The following HDAC9 variants were observed in gnomAD, a reference collection of about 807,000 sequenced individuals.
HDAC9 encodes the protein histone deacetylase 9.
In HDAC9, 41 loss-of-function variants were observed where a neutral mutation model predicts 139.4. That is an observed-to-expected ratio of 0.29 (90% CI 0.23 to 0.38). HDAC9 has a LOEUF of 0.38. HDAC9 is among the 10% of genes least tolerant of loss of function. The pLI, the probability that HDAC9 is intolerant of heterozygous loss-of-function variation, is 1.00. For synonymous variants in HDAC9, 517 were observed against 476.2 expected (o/e 1.09, Z -1.12); for missense variants, 1,147 against 1,297.0 (o/e 0.88, Z 1.78).
chr7:18,380,721 A>C lies in HDAC9; in HGVS notation c.-42+90206A>C, dbSNP rs180856209. ...TCACCAAACACACCAAACATCAATA[A>C]GCTTCTCTTAGAGGTTTTTTGTTTG... is the stretch of plus-strand genomic sequence containing the variant. On this transcript the variant is annotated intron_variant, in intron 1 of 3. Transcript: ENST00000413509. Among the ~76,000 whole-genome samples the C allele has an allele frequency of 2.2e-3, 329 of 152,300 alleles. 1 individual carries two copies. Among genetic ancestry groups the C allele is most frequent in the Admixed American group, 5.2e-3 (79 of 15,294 alleles).
chr7:18,730,798 A>AT (rs199866214), intron 13 of HDAC9, among the ~76,000 whole-genome samples: 1,711 of 151,940 alleles, frequency 0.011, 10 homozygotes, highest in African/African-American at 0.016. Context: ...TTAGCATATG[A>AT]TTTTTTTTTA....
chr7:18,749,187 A>T (rs1244141779), intron 14 of HDAC9, 49 bp downstream of exon 14: 1 of 1,582,374 alleles, frequency 6.3e-7, no homozygotes, highest in Non-Finnish European at 8.7e-7. Context: ...TAAATCATGT[A>T]AAGAGGCCAG....
intron 2 of HDAC9, among the ~76,000 whole-genome samples, chr7:18,236,626 T>A (rs1369108974): frequency 6.6e-6 from 1 of 152,174 alleles, no homozygotes; most frequent in South Asian, 2.1e-4. Flanking sequence ...TGGATGCACT[T>A]GCAATTTTGT....
chr7:18,960,139 C>T (rs1160572857), intron 24 of HDAC9, among the ~76,000 whole-genome samples: 2 of 151,904 alleles, frequency 1.3e-5, no homozygotes, highest in Admixed American at 6.6e-5. Flanking sequence ...TCCTTTGTTG[C>T]AGGGGAATGT....
chr7:18,281,541 C>T (rs144756566), intron 2 of HDAC9, among the ~76,000 whole-genome samples: 5 of 152,302 alleles, frequency 3.3e-5, no homozygotes, highest in Non-Finnish European at 7.4e-5. Context: ...TAATAGCCTA[C>T]GATTTGACTC....
intron 2 of HDAC9, among the ~76,000 whole-genome samples, chr7:18,234,038 G>T (rs1042542994): frequency 1.3e-5 from 2 of 152,048 alleles, no homozygotes; most frequent in Middle Eastern, 3.2e-3. Context: ...TTCTTAATCT[G>T]GACGTTTTCA....
At chr7:18,925,500 G>A (rs976447841) in intron 22 of HDAC9, among the ~76,000 whole-genome samples, 7 of 152,004 alleles carry the variant, frequency 4.6e-5, no homozygotes, top group Admixed American at 6.6e-5. Context: ...TCACATAGTA[G>A]CTTCTTAGTA....
intron 17 of HDAC9, among the ~76,000 whole-genome samples, chr7:18,822,171 G>A (rs908940755): frequency 7.2e-5 from 11 of 152,246 alleles, no homozygotes; most frequent in Admixed American, 2.6e-4. Flanking sequence ...CTCCCCAGAG[G>A]TTGGGCTGTG....
chr7:18,183,163 C>A (rs1255113983), intron 2 of HDAC9, among the ~76,000 whole-genome samples: 1 of 152,132 alleles, frequency 6.6e-6, no homozygotes, highest in Admixed American at 6.5e-5. Context: ...GTGCCTGCCA[C>A]CACACCCGGC....
At chr7:18,232,577 G>C (rs946492703) in intron 2 of HDAC9, among the ~76,000 whole-genome samples, 1 of 152,082 alleles carries the variant, frequency 6.6e-6, no homozygotes, top group Non-Finnish European at 1.5e-5. Context: ...CCCCCACTAG[G>C]TTTCAATGTC....
chr7:18,192,607 A>G (rs1790433032), intron 2 of HDAC9, among the ~76,000 whole-genome samples: 1 of 152,164 alleles, frequency 6.6e-6, no homozygotes, highest in Non-Finnish European at 1.5e-5. Flanking sequence ...TTAAGGATAT[A>G]GTATTTGGGG....
rs1443627411 is a variant in HDAC9 at position 18,604,144 on chromosome 7, A to G, written c.664+10115A>G. 2.0e-5 allele frequency among the ~76,000 whole-genome samples: 3 copies of G among 151,954 alleles called. 1 individual carries two copies. Among genetic ancestry groups the G allele is most frequent in the African/African-American group, 4.8e-5 (2 of 41,368 alleles). On this transcript the variant is annotated intron_variant, in intron 6 of 25. Coordinates refer to ENST00000686413, the MANE Select transcript of HDAC9 (RefSeq NM_178425.4). ...CATATTCTCTGAGATTCCTGTATCT[A>G]TGGATTGGTGTCTGTCATTAATTTT...
At chr7:18,086,995 T>G (rs1351824768) in exon 1 of HDAC9, 1 of 150,316 alleles carries the variant, frequency 6.7e-6, no homozygotes, top group Non-Finnish European at 1.5e-5. Flanking sequence ...CTCTCGCCGC[T>G]TTCGCCGCGG....
chr7:18,729,107 C>A (rs1478622391), intron 13 of HDAC9, among the ~76,000 whole-genome samples: 1 of 152,098 alleles, frequency 6.6e-6, no homozygotes, highest in African/African-American at 2.4e-5. Context: ...AAACCAGATA[C>A]ATGATACAGA....
At chr7:18,872,546 G>C (rs1169149791) in intron 21 of HDAC9, among the ~76,000 whole-genome samples, 1 of 152,116 alleles carries the variant, frequency 6.6e-6, no homozygotes, top group Non-Finnish European at 1.5e-5. Flanking sequence ...AAAATAAGCT[G>C]ACTGTTGGTA....
intron 23 of HDAC9, among the ~76,000 whole-genome samples, chr7:18,946,679 C>A (rs1393571348): frequency 1.3e-5 from 2 of 151,848 alleles, no homozygotes; most frequent in East Asian, 1.9e-4. Context: ...ATGGAAAGAA[C>A]CAAATGAAAA....
chr7:18,156,403 C>G (rs1313563929), intron 1 of HDAC9, among the ~76,000 whole-genome samples: 1 of 152,150 alleles, frequency 6.6e-6, no homozygotes, highest in Non-Finnish European at 1.5e-5. Flanking sequence ...AGATGGTGGC[C>G]CATCTCAAGG....
At position 18,620,805 on chromosome 7, in the gene HDAC9, A is replaced by G. The variant is rs186304261; in HGVS notation, c.665-8545A>G. On this transcript the variant is annotated intron_variant, in intron 6 of 25. Coordinates refer to ENST00000686413, the MANE Select transcript of HDAC9 (RefSeq NM_178425.4). Reference sequence around the variant, plus strand: ...ATCCTACTCTGCGATGCTTCCAATGACTTGGTAGTTCTCTTTCCCATGTAT... The same window carrying G: ...ATCCTACTCTGCGATGCTTCCAATGGCTTGGTAGTTCTCTTTCCCATGTAT... 4.3e-4 allele frequency among the ~76,000 whole-genome samples: 66 copies of G among 152,126 alleles called. 1 individual carries two copies. Among genetic ancestry groups the G allele is most frequent in the Admixed American group, 3.7e-3 (56 of 15,262 alleles).
intron 14 of HDAC9, among the ~76,000 whole-genome samples, chr7:18,750,783 G>A (rs959182114): frequency 2.0e-5 from 3 of 152,186 alleles, no homozygotes; most frequent in African/African-American, 4.8e-5. Context: ...GGTCTTAATG[G>A]ACAAAATGCA....
Sources: allele counts gnomAD v4.1 joint callset (sites outside exome capture counted in the v4.1 genomes callset), GRCh38; gene constraint gnomAD v4.1.1; transcripts MANE v1.5; gene names NCBI Gene and HGNC (gene_info 2026-07-23, HGNC 2026-07-21).